CNIH3: variants seen among roughly 807,000 people sequenced by gnomAD.
The protein encoded by CNIH3 is protein cornichon homolog 3.
Under a neutral mutation model 24.1 loss-of-function variants are expected in CNIH3, and 14 were observed. The ratio of observed to expected loss-of-function variants is 0.58; its 90% CI spans 0.38 to 0.91. The LOEUF (loss-of-function observed/expected upper bound fraction) is 0.91, where lower values mean the gene tolerates loss of function less well. CNIH3 is among the 40% of genes least tolerant of loss of function. CNIH3 has a pLI of 0.00. For missense variants in CNIH3, 178 were observed against 196.8 expected (o/e 0.90, Z 0.57); for synonymous variants, 68 against 73.8 (o/e 0.92, Z 0.40).
At chr1:224,507,078 T>C (rs1026522573) in intron 1 of CNIH3, among the ~76,000 whole-genome samples, 2 of 152,200 alleles carry the variant, frequency 1.3e-5, no homozygotes, top group Non-Finnish European at 2.9e-5. Context: ...TTGCCCAGGC[T>C]GGTCTCAAAT....
chr1:224,482,543 A>G (rs1217820311), intron 1 of CNIH3, among the ~76,000 whole-genome samples: 1 of 152,008 alleles, frequency 6.6e-6, no homozygotes, highest in Non-Finnish European at 1.5e-5. Flanking sequence ...TTTAGGAGCT[A>G]GGCCCTAGAA....
intron 1 of CNIH3, 60 bp from the exon 2 acceptor site, chr1:224,680,898 T>C: frequency 7.8e-7 from 1 of 1,287,330 alleles, no homozygotes; most frequent in Non-Finnish European, 1.1e-6. Context: ...CACAGAAGCT[T>C]TGGACATGGT....
chr1:224,503,448 C>G (rs1677767567), intron 1 of CNIH3, among the ~76,000 whole-genome samples: 1 of 152,188 alleles, frequency 6.6e-6, no homozygotes. Context: ...AGCCTGGACT[C>G]TCACTCTGAA....
upstream of CNIH3, chr1:224,513,605 G>A (rs1440459552): frequency 6.6e-6 from 1 of 152,248 alleles, no homozygotes; most frequent in Non-Finnish European, 1.5e-5. Flanking sequence ...GGAACCATTT[G>A]GCTGAGGACA....
At chr1:224,728,324 G>A (rs1689143547) in intron 3 of CNIH3, among the ~76,000 whole-genome samples, 2 of 152,154 alleles carry the variant, frequency 1.3e-5, no homozygotes, top group African/African-American at 2.4e-5. Context: ...TGCCTTGGCT[G>A]GGGGTAGATA....
downstream of CNIH3, among the ~76,000 whole-genome samples, chr1:224,540,521 T>C (rs1490982138): frequency 1.3e-5 from 2 of 152,162 alleles, no homozygotes; most frequent in Non-Finnish European, 2.9e-5. Context: ...ATATGGACAT[T>C]AAAGTGAGAT....
chr1:224,600,351 G>A (rs1022905061), intron 3 of CNIH3, among the ~76,000 whole-genome samples: 3 of 152,010 alleles, frequency 2.0e-5, no homozygotes, highest in Admixed American at 6.6e-5. Flanking sequence ...CACCATGCCT[G>A]GCTAATTTTT....
chr1:224,485,124 G>C (rs932437866), intron 1 of CNIH3, among the ~76,000 whole-genome samples: 3 of 152,056 alleles, frequency 2.0e-5, no homozygotes, highest in Non-Finnish European at 4.4e-5. Context: ...TGAGTTTATT[G>C]GAAACAGCCC....
intron 5 of CNIH3, among the ~76,000 whole-genome samples, chr1:224,736,892 C>CT (rs1202889712): frequency 6.6e-6 from 1 of 152,192 alleles, no homozygotes; most frequent in Non-Finnish European, 1.5e-5. Context: ...AGGGACTTGC[C>CT]ACCTTGGAGG....
intron 1 of CNIH3, among the ~76,000 whole-genome samples, chr1:224,646,847 G>A (rs530965247): frequency 6.6e-6 from 1 of 152,268 alleles, no homozygotes; most frequent in African/African-American, 2.4e-5. Context: ...TATGAGTGCT[G>A]GTGTCCAGTG....
chr1:224,681,601 G>T (rs1419548192), intron 2 of CNIH3, among the ~76,000 whole-genome samples: 1 of 152,158 alleles, frequency 6.6e-6, no homozygotes, highest in Non-Finnish European at 1.5e-5. Context: ...AGCATGCGTG[G>T]TGCCTGGCAT....
chr1:224,739,196 A>G, intron 5 of CNIH3, 133 bp from the exon 6 acceptor site: 1 of 1,460,458 alleles, frequency 6.8e-7, no homozygotes, highest in Admixed American at 2.6e-5. Context: ...TGCTGTAGTG[A>G]CAGGAATGAG....
chr1:224,493,844 A>G (rs543795030), intron 1 of CNIH3, among the ~76,000 whole-genome samples: 1 of 152,202 alleles, frequency 6.6e-6, no homozygotes, highest in African/African-American at 2.4e-5. Context: ...GAGACTCAAT[A>G]ATTTCCTCTC....
chr1:224,470,852 G>A (rs1676340940), intron 1 of CNIH3, among the ~76,000 whole-genome samples: 3 of 152,008 alleles, frequency 2.0e-5, no homozygotes, highest in Non-Finnish European at 2.9e-5. Context: ...TATTTATGGT[G>A]TACACGAGCT....
At chr1:224,434,905 G>A (rs1025903505) in intron 1 of CNIH3, 1 of 985,996 alleles carries the variant, frequency 1.0e-6, no homozygotes, top group Non-Finnish European at 1.2e-6. Flanking sequence ...ACGTGCATCG[G>A]GGGCTGTCCC....
chr1:224,670,575 C>T (rs922668767), intron 1 of CNIH3, among the ~76,000 whole-genome samples: 23 of 152,182 alleles, frequency 1.5e-4, no homozygotes, highest in African/African-American at 5.5e-4. Context: ...AGGACAGGTC[C>T]TCTTCTTCTC....
At chr1:224,549,389 A>C (rs893051066) in intron 3 of CNIH3, among the ~76,000 whole-genome samples, 1 of 152,096 alleles carries the variant, frequency 6.6e-6, no homozygotes, top group Non-Finnish European at 1.5e-5. Context: ...ATGATATTTC[A>C]TTAATATCAC....
chr1:224,537,035 G>A (rs1295205733), downstream of CNIH3: 1 of 152,144 alleles, frequency 6.6e-6, no homozygotes, highest in Non-Finnish European at 1.5e-5. Context: ...ACACCAAAGA[G>A]AAAAGTCAAG....
chr1:224,471,031 A>C (rs1257421577), intron 1 of CNIH3, among the ~76,000 whole-genome samples: 2 of 152,056 alleles, frequency 1.3e-5, no homozygotes, highest in Admixed American at 6.5e-5. Flanking sequence ...TGTGCTAGCA[A>C]ATACTAGGTT....
Sources: gnomAD v4.1 joint callset for allele counts (sites outside exome capture counted in the v4.1 genomes callset) on GRCh38, gnomAD v4.1.1 for gene constraint, MANE v1.5 for transcripts, NCBI Gene and HGNC (gene_info 2026-07-23, HGNC 2026-07-21) for gene names.